Variants in PLG observed in about 807,000 individuals in gnomAD.
PLG encodes plasminogen.
Under a neutral mutation model 104.4 loss-of-function variants are expected in PLG, and 41 were observed. The ratio of observed to expected loss-of-function variants is 0.39; its 90% confidence interval spans 0.31 to 0.51. The LOEUF is 0.51. PLG is among the 20% of genes least tolerant of loss of function. The pLI, the probability that PLG is intolerant of heterozygous loss-of-function variation, is 0.76. For missense variants in PLG, 891 were observed against 1,003.6 expected, an observed-to-expected ratio of 0.89 and a Z score of 1.52; for synonymous variants, 337 against 357.1, an observed-to-expected ratio of 0.94 and a Z score of 0.63.
chr6:160,703,268 T>TAAAAA (rs34053173), intron 1 of PLG, among the ~76,000 whole-genome samples: 2 of 146,962 alleles, frequency 1.4e-5, no homozygotes, highest in Admixed American at 1.4e-4. Context: ...TCTTTTTCTT[T>TAAAAA]AAAAAAAAAA....
chr6:160,733,415 A>C lies in PLG; in HGVS notation c.1588-580A>C, dbSNP rs535239946. Among the ~76,000 whole-genome samples the C allele has an allele frequency of 5.3e-5, 8 of 152,242 alleles. No individual in the cohort carries two copies. In the South Asian group the frequency reaches 1.7e-3, roughly 32 times the overall value. On this transcript the variant is annotated intron_variant, in intron 12 of 18. Coordinates refer to ENST00000308192, the MANE Select transcript of PLG (RefSeq NM_000301.5). Reference sequence around the variant, plus strand: ...GCTCCTGAAGGGAGACCCATTCTCCAAAGACCCCCGAGGGTCACCACTCCC... The same window carrying C: ...GCTCCTGAAGGGAGACCCATTCTCCCAAGACCCCCGAGGGTCACCACTCCC...
At position 160,714,791 on chromosome 6, in the gene PLG, C is replaced by T; in HGVS notation, c.548-3C>T. Reference sequence around the variant, plus strand: ...CTCTGTCCTTCCTTCCCACTCTGTCCAGAGGAATGTATGCATTGCAGTGGA... The same window carrying T: ...CTCTGTCCTTCCTTCCCACTCTGTCTAGAGGAATGTATGCATTGCAGTGGA... On this transcript the variant is annotated splice_polypyrimidine_tract_variant and splice_region_variant and intron_variant, in intron 5 of 18. Transcript: ENST00000308192. The T allele has an allele frequency of 6.2e-7, 1 of 1,613,648 alleles. No homozygotes were observed.
At position 160,740,476 on chromosome 6, in the gene PLG, C is replaced by G. The variant is rs549055863; in HGVS notation, c.2019-835C>G. ...AGAGTTCCCACCCCACATCCCCACA[C>G]CCCGAGTCTAGGGCATTTAGTGCTC... On this transcript the variant is annotated intron_variant, in intron 16 of 18. Coordinates refer to ENST00000308192, the MANE Select transcript of PLG (RefSeq NM_000301.5). The surrounding 1 kb of genome is among the most constrained non-coding windows in gnomAD (Gnocchi z 5.2). Among the ~76,000 whole-genome samples, 13 of 152,258 alleles carry G rather than the reference C, an allele frequency of 8.5e-5. No homozygotes were observed. Among genetic ancestry groups the G allele is most frequent in the African/African-American group, 2.4e-4 (10 of 41,544 alleles).
In PLG at chr6:160,734,134, A is replaced by G; in HGVS notation, c.1681+46A>G. 8.9e-7 allele frequency: 1 copy of G among 1,121,618 alleles called. No homozygotes were observed. The highest frequency in any genetic ancestry group is 1.4e-6 in the Non-Finnish European group (1 of 733,416). 69.5% of individuals were successfully genotyped at this position (1,121,618 alleles called of 1,614,324 possible). ...TAAGGAAACTGCTTACTTAATATGGATTTGCAACAAAAAAGGAAAAGGGCT... is the reference window on the plus strand; with the variant it reads ...TAAGGAAACTGCTTACTTAATATGGGTTTGCAACAAAAAAGGAAAAGGGCT... On this transcript the variant is annotated intron_variant, in intron 13 of 18. Transcript: ENST00000308192. The surrounding 1 kb of genome is among the most constrained non-coding windows in gnomAD (Gnocchi z 4.4).
At chr6:160,710,072 AT>A (rs1777609553) in intron 3 of PLG, among the ~76,000 whole-genome samples, 2 of 152,132 alleles carry the variant, frequency 1.3e-5, no homozygotes, top group Non-Finnish European at 2.9e-5. Context: ...TACTTTCCTT[AT>A]TTTTGAAGTG....
At chr6:160,747,006 G>C (rs977305237) in intron 17 of PLG, among the ~76,000 whole-genome samples, 1 of 152,176 alleles carries the variant, frequency 6.6e-6, no homozygotes, top group African/African-American at 2.4e-5. Flanking sequence ...TGGGTAAGTG[G>C]GGTTTTCACC....
At chr6:160,718,208 T>C (rs1777773406) in intron 7 of PLG, 86 bp from the exon 8 acceptor site, 1 of 1,152,876 alleles carries the variant, frequency 8.7e-7, no homozygotes, top group Non-Finnish European at 1.3e-6. Flanking sequence ...GCTGAGATCG[T>C]GCCACTGACT....
At chr6:160,716,880 G>A in intron 7 of PLG, 117 bp downstream of exon 7, 1 of 764,292 alleles carries the variant, frequency 1.3e-6, no homozygotes, top group Admixed American at 1.8e-5. Context: ...CAAGTCCTAT[G>A]GGATGTTATT....
At position 160,714,910 on chromosome 6, in the gene PLG, T is replaced by C. The variant is rs1406084073; in HGVS notation, c.664T>C (p.Ser222Pro). The C allele has an allele frequency of 1.2e-6, 2 of 1,613,732 alleles. No individual in the cohort carries two copies. The highest frequency in any genetic ancestry group is 1.7e-6 in the Non-Finnish European group (2 of 1,179,682). Residue 222 changes from serine to proline, a missense_variant, in exon 6 of 19, where the codon TCC becomes CCC. This residue lies in a region of PLG where 854 missense variants were observed against 932.1 expected (regional missense o/e 0.92). Transcript: ENST00000308192. ...QSPHAHGYIP[S>P]KFPNKNLKKN... Reference sequence around the variant, plus strand: ...CCCACACGCTCATGGATACATTCCTTCCAAGTAAGTCTCACTGGGAAAAAC... The same window carrying C: ...CCCACACGCTCATGGATACATTCCTCCCAAGTAAGTCTCACTGGGAAAAAC...
rs539248677 is a variant in PLG, at chr6:160,714,925, C to T, written c.668+11C>T. 1.2e-6 allele frequency: 2 copies of T among 1,612,840 alleles called. No homozygotes were observed. Among genetic ancestry groups the T allele is most frequent in the South Asian group, 2.2e-5 (2 of 91,042 alleles). ...ATACATTCCTTCCAAGTAAGTCTCA[C>T]TGGGAAAAACATTCCATGTTTAATT... is the stretch of plus-strand genomic sequence containing the variant. On this transcript the variant is annotated intron_variant, in intron 6 of 18. Transcript: ENST00000308192.
intron 1 of PLG, 48 bp from the exon 2 acceptor site, chr6:160,706,359 G>A (rs1355588978): frequency 1.9e-6 from 3 of 1,608,576 alleles, no homozygotes; most frequent in Admixed American, 1.7e-5. Context: ...ATTAGACATT[G>A]ACATTGATTT....
chr6:160,714,923 C>T lies in PLG; in HGVS notation c.668+9C>T. 2 of 1,612,828 alleles carry T rather than the reference C, an allele frequency of 1.2e-6. No homozygotes were observed. The highest frequency in any genetic ancestry group is 2.2e-5 in the East Asian group (1 of 44,862). ...GGATACATTCCTTCCAAGTAAGTCTCACTGGGAAAAACATTCCATGTTTAA... is the reference window on the plus strand; with the variant it reads ...GGATACATTCCTTCCAAGTAAGTCTTACTGGGAAAAACATTCCATGTTTAA... On this transcript the variant is annotated intron_variant, in intron 6 of 18. Transcript: ENST00000308192.
At chr6:160,742,683 G>GT (rs1778214913) in intron 17 of PLG, among the ~76,000 whole-genome samples, 1 of 152,022 alleles carries the variant, frequency 6.6e-6, no homozygotes, top group Non-Finnish European at 1.5e-5. Flanking sequence ...TTTTGCCTTT[G>GT]TTGAGATTGC....
chr6:160,730,720 T>C (rs1332014417), intron 10 of PLG: 3 of 287,042 alleles, frequency 1.0e-5, no homozygotes, highest in Admixed American at 4.8e-5. Context: ...CTTTAAAATC[T>C]GTACCTGTTA....
chr6:160,705,164 C>A (rs1340498971), intron 1 of PLG, among the ~76,000 whole-genome samples: 1 of 152,184 alleles, frequency 6.6e-6, no homozygotes, highest in Non-Finnish European at 1.5e-5. Flanking sequence ...TTATTAGCCT[C>A]TTTTGGCCTC....
At chr6:160,733,830 G>T (rs1778040632) in intron 12 of PLG, among the ~76,000 whole-genome samples, 165 bp from the exon 13 acceptor site, 1 of 104,972 alleles carries the variant, frequency 9.5e-6, no homozygotes, top group African/African-American at 3.6e-5. Flanking sequence ...GGCGACAAGA[G>T]CAAAACTCCA....
At position 160,723,652 on chromosome 6, in the gene PLG, C is replaced by A. The variant is rs1777880501; in HGVS notation, c.1256+1085C>A. ...GCTCCAGGAATGTCCATAGAAAAGT[C>A]CTCAAGTCTTTGGCTAAATAGAAAG... On this transcript the variant is annotated intron_variant, in intron 10 of 18. Transcript: ENST00000308192. The surrounding 1 kb of genome is among the most constrained non-coding windows in gnomAD (Gnocchi z 4.7). 6.6e-6 allele frequency among the ~76,000 whole-genome samples: 1 copy of A among 152,138 alleles called. No homozygotes were observed. The highest frequency in any genetic ancestry group is 6.6e-5 in the Admixed American group (1 of 15,266).
chr6:160,729,412 C>T (rs1777964717), intron 10 of PLG, among the ~76,000 whole-genome samples: 1 of 151,308 alleles, frequency 6.6e-6, no homozygotes, highest in African/African-American at 2.4e-5. Flanking sequence ...AACAGAAGTC[C>T]ACAAAGAGAT....
chr6:160,748,882 C>A (rs1562383799), intron 17 of PLG, among the ~76,000 whole-genome samples: 1 of 152,204 alleles, frequency 6.6e-6, no homozygotes, highest in East Asian at 1.9e-4. Flanking sequence ...TCTTCCAGCT[C>A]TGAGAGGTCG....
Sources: allele counts gnomAD v4.1 joint callset (sites outside exome capture counted in the v4.1 genomes callset), GRCh38; gene constraint gnomAD v4.1.1; regional missense constraint gnomAD v4.1.1; non-coding constraint Gnocchi (gnomAD v3.1); transcripts MANE v1.5; gene names NCBI Gene and HGNC (gene_info 2026-07-23, HGNC 2026-07-21).